The following EEPD1 variants were observed in gnomAD, a reference collection of about 807,000 sequenced individuals.
EEPD1 encodes the protein endonuclease/exonuclease/phosphatase family domain-containing protein 1.
Under a neutral mutation model 46.3 loss-of-function variants are expected in EEPD1, and 17 were observed. That is an observed-to-expected ratio of 0.37 (90% confidence interval 0.25 to 0.55). EEPD1 has a LOEUF of 0.55. Ranked by LOEUF, EEPD1 falls within the 20% of genes least tolerant of loss-of-function variation. The pLI is 0.83. For synonymous variants in EEPD1, 313 were observed against 315.6 expected (o/e 0.99, Z 0.09); for missense variants, 673 against 745.6 (o/e 0.90, Z 1.13).
At chr7:36,262,852 G>A (rs919889182) in intron 3 of EEPD1, among the ~76,000 whole-genome samples, 1 of 152,136 alleles carries the variant, frequency 6.6e-6, no homozygotes, top group African/African-American at 2.4e-5. Context: ...TTGGGAGACT[G>A]CCATTCCCTG....
chr7:36,202,449 C>T (rs62445433), intron 2 of EEPD1, among the ~76,000 whole-genome samples: 14,377 of 152,124 alleles, frequency 0.095, 877 homozygotes, highest in Admixed American at 0.14. Context: ...GGCCTCCACA[C>T]GGTAAACTTT....
At chr7:36,214,870 G>A (rs1286280742) in intron 2 of EEPD1, among the ~76,000 whole-genome samples, 1 of 152,184 alleles carries the variant, frequency 6.6e-6, no homozygotes, top group Non-Finnish European at 1.5e-5. Context: ...CCTGAGCGGA[G>A]AGAATCAAGC....
chr7:36,294,969 G>C (rs1010037208), intron 6 of EEPD1, among the ~76,000 whole-genome samples: 1 of 152,076 alleles, frequency 6.6e-6, no homozygotes, highest in Admixed American at 6.5e-5. Context: ...CTTGAGGTCA[G>C]GAGTTCAAGA....
chr7:36,207,882 G>T (rs1785849576), intron 2 of EEPD1, among the ~76,000 whole-genome samples: 1 of 141,200 alleles, frequency 7.1e-6, no homozygotes, highest in African/African-American at 2.7e-5. Context: ...GAATCTCAGT[G>T]CAGGAGTTTT....
chr7:36,209,883 C>T (rs1171584251), intron 2 of EEPD1, among the ~76,000 whole-genome samples: 1 of 152,202 alleles, frequency 6.6e-6, no homozygotes, highest in Non-Finnish European at 1.5e-5. Context: ...GATCACATTT[C>T]AGCACGAGAT....
chr7:36,276,167 A>G (rs1244985445), intron 3 of EEPD1, among the ~76,000 whole-genome samples: 1 of 152,140 alleles, frequency 6.6e-6, no homozygotes, highest in Non-Finnish European at 1.5e-5. Context: ...TCACAGGATG[A>G]GGTAGGAGGT....
chr7:36,293,354 A>G (rs1054813867), intron 6 of EEPD1, among the ~76,000 whole-genome samples: 1 of 152,222 alleles, frequency 6.6e-6, no homozygotes, highest in Non-Finnish European at 1.5e-5. Context: ...ACCAGGTCTC[A>G]GCAGAGCTCT....
intron 2 of EEPD1, among the ~76,000 whole-genome samples, chr7:36,220,647 C>T (rs1039494559): frequency 2.6e-5 from 4 of 152,154 alleles, no homozygotes; most frequent in Admixed American, 6.5e-5. Flanking sequence ...CTAATGGCAT[C>T]GACTCCATCT....
intron 2 of EEPD1, among the ~76,000 whole-genome samples, chr7:36,203,439 C>T (rs1381926472): frequency 6.6e-6 from 1 of 152,188 alleles, no homozygotes; most frequent in African/African-American, 2.4e-5. Flanking sequence ...AACACCTGCC[C>T]GGTTTAGTTT....
At chr7:36,211,677 C>A (rs1471692721) in intron 2 of EEPD1, among the ~76,000 whole-genome samples, 2 of 152,182 alleles carry the variant, frequency 1.3e-5, no homozygotes, top group Non-Finnish European at 2.9e-5. Context: ...GTAATCCCAG[C>A]ACTTTGGGAG....
chr7:36,208,994 C>T (rs1306092856), intron 2 of EEPD1, among the ~76,000 whole-genome samples: 1 of 152,170 alleles, frequency 6.6e-6, no homozygotes, highest in Admixed American at 6.5e-5. Context: ...AGAGCGCAGA[C>T]CTGGAGCTAG....
At chr7:36,245,253 G>A (rs1031739185) in intron 3 of EEPD1, among the ~76,000 whole-genome samples, 3 of 152,020 alleles carry the variant, frequency 2.0e-5, no homozygotes, top group African/African-American at 2.4e-5. Flanking sequence ...TGGCCACAGA[G>A]TTGATTCTTG....
rs960520176 is a variant in EEPD1, at chr7:36,154,702, C to T, written c.378C>T (p.His126=). Residue 126 remains histidine (H), a synonymous_variant, in exon 2 of 8, where the codon CAC becomes CAT. Coordinates refer to ENST00000242108, the MANE Select transcript of EEPD1 (RefSeq NM_030636.3). The surrounding 1 kb of genome is among the most constrained non-coding windows in gnomAD (Gnocchi z 4.2). ...TGCTAGCGGAGCAGCAGCCTCACCACCTGGCCACAGCTGTGCCCCTCACCC... is the reference window on the plus strand; with the variant it reads ...TGCTAGCGGAGCAGCAGCCTCACCATCTGGCCACAGCTGTGCCCCTCACCC... ...RDLLAEQQPH[H]LATAVPLTPR... 6 of 1,613,930 alleles carry T rather than the reference C, an allele frequency of 3.7e-6. No individual in the cohort carries two copies. The highest frequency in any genetic ancestry group is 3.3e-5 in the Admixed American group (2 of 60,018).
At chr7:36,234,375 A>G in intron 2 of EEPD1, among the ~76,000 whole-genome samples, 1 of 152,184 alleles carries the variant, frequency 6.6e-6, no homozygotes, top group African/African-American at 2.4e-5. Context: ...GTGAACTTAA[A>G]AATTGCCTAA....
At chr7:36,198,342 G>GAAAAAAAAAAAAAAAAA (rs1361024411) in intron 2 of EEPD1, among the ~76,000 whole-genome samples, 122 of 32,936 alleles carry the variant, frequency 3.7e-3, no homozygotes, top group Non-Finnish European at 4.7e-3. Flanking sequence ...AAAAAGAAAA[G>GAAAAAAAAAAAAAAAAA]AAAAAAAAAA....
chr7:36,219,794 AGAGAGAGAGAGAGT>A (rs1189999656), intron 2 of EEPD1, among the ~76,000 whole-genome samples: 6 of 88,176 alleles, frequency 6.8e-5, no homozygotes, highest in African/African-American at 2.0e-4. Flanking sequence ...AGAGAGAGAG[AGAGAGAGAGAGAGT>A]GTGTGTGTGT....
At chr7:36,253,316 A>G (rs35580606) in intron 3 of EEPD1, among the ~76,000 whole-genome samples, 71,224 of 151,954 alleles carry the variant, frequency 0.47, 16,987 homozygotes, top group Non-Finnish European at 0.51. Context: ...ATTTTGTTTG[A>G]TTTCAATCCT....
chr7:36,219,771 GAGAA>G (rs1257755115), intron 2 of EEPD1, among the ~76,000 whole-genome samples: 3 of 128,056 alleles, frequency 2.3e-5, no homozygotes, highest in African/African-American at 3.3e-5. Flanking sequence ...AAGAGAGAGA[GAGAA>G]AGAGAGAGAG....
chr7:36,287,002 C>G (rs1583479508), intron 5 of EEPD1, among the ~76,000 whole-genome samples: 1 of 151,960 alleles, frequency 6.6e-6, no homozygotes, highest in South Asian at 2.1e-4. Flanking sequence ...GCAGGAGGAT[C>G]ACTTGAGGGC....
Sources: gnomAD v4.1 joint callset for allele counts (sites outside exome capture counted in the v4.1 genomes callset) on GRCh38, gnomAD v4.1.1 for gene constraint, Gnocchi (gnomAD v3.1) non-coding constraint, MANE v1.5 for transcripts, NCBI Gene and HGNC (gene_info 2026-07-23, HGNC 2026-07-21) for gene names.